SPACA1: variants seen among roughly 807,000 people sequenced by gnomAD.
SPACA1 encodes the protein sperm acrosome associated 1, also known as sperm acrosome membrane-associated protein 1.
SPACA1 carries 17 observed loss-of-function variants against 32.6 expected under a neutral mutation model. The ratio of observed to expected loss-of-function variants is 0.52; its 90% confidence interval spans 0.36 to 0.78. The LOEUF is 0.78. SPACA1 is among the 30% of genes least tolerant of loss of function. The pLI is 0.01. For missense variants in SPACA1, 363 were observed against 373.4 expected (o/e 0.97, Z 0.23); for synonymous variants, 140 against 138.1 (o/e 1.01, Z -0.10).
At chr6:88,055,708 C>T (rs1043908234) in intron 2 of SPACA1, among the ~76,000 whole-genome samples, 18 of 152,178 alleles carry the variant, frequency 1.2e-4, no homozygotes, top group Non-Finnish European at 1.2e-4. Flanking sequence ...CGGTGGCTCA[C>T]GCCTGTAATC....
chr6:88,064,290 T>C, intron 6 of SPACA1, 71 bp downstream of exon 6: 1 of 1,504,730 alleles, frequency 6.6e-7, no homozygotes, highest in Non-Finnish European at 9.0e-7. Context: ...ATCCAGTGAA[T>C]TGCAAAGCCC....
intron 4 of SPACA1, 90 bp from the exon 5 acceptor site, chr6:88,059,363 A>G: frequency 8.6e-7 from 1 of 1,168,378 alleles, no homozygotes; most frequent in South Asian, 1.7e-5. Context: ...GAGAGACAGT[A>G]ACCCTCCTTT....
In SPACA1 at chr6:88,058,889, TG is replaced by T. The variant is rs150370506; in HGVS notation, c.474+69del. 5.4e-3 allele frequency: 5,610 copies of T among 1,046,196 alleles called. 182 individuals carry two copies. The African/African-American group carries it at 0.075, about 14-fold the overall frequency. The allele number at this position is 1,046,196 out of a possible 1,614,324, so 64.8% of individuals were successfully genotyped here. ...GATAAAATTTGTTTCTCAGTTCTGA[TG>T]GCTTTCAGAAAACTTTCTTTTTAAA... On this transcript the variant is annotated intron_variant, in intron 4 of 6. Transcript: ENST00000237201.
At chr6:88,057,262 T>C (rs371607873) in intron 2 of SPACA1, among the ~76,000 whole-genome samples, 4 of 152,222 alleles carry the variant, frequency 2.6e-5, no homozygotes, top group East Asian at 3.8e-4. Context: ...ATGTACACAA[T>C]AGCATGTTAT....
chr6:88,047,669 C>G, upstream of SPACA1: 1 of 508,434 alleles, frequency 2.0e-6, no homozygotes, highest in Non-Finnish European at 3.5e-6. Flanking sequence ...CTCCTAGGGA[C>G]TTGTCGCACG....
At chr6:88,058,974 A>T in intron 4 of SPACA1, 152 bp downstream of exon 4, 1 of 558,920 alleles carries the variant, frequency 1.8e-6, no homozygotes, top group East Asian at 3.0e-5. Context: ...GAATTTTAAA[A>T]TTTTCATTAT....
intron 1 of SPACA1, among the ~76,000 whole-genome samples, chr6:88,051,613 T>A (rs896677789): frequency 6.6e-6 from 1 of 152,208 alleles, no homozygotes; most frequent in Non-Finnish European, 1.5e-5. Context: ...CCTCTGCACA[T>A]CTTTGATTCC....
chr6:88,055,843 T>C (rs1424073809), intron 2 of SPACA1, among the ~76,000 whole-genome samples: 1 of 151,974 alleles, frequency 6.6e-6, no homozygotes, highest in Non-Finnish European at 1.5e-5. Context: ...CGGTGGCACA[T>C]ACCTGTAGTC....
intron 1 of SPACA1, among the ~76,000 whole-genome samples, chr6:88,051,109 T>TGG (rs1349543376): frequency 2.0e-5 from 3 of 151,574 alleles, no homozygotes; most frequent in Non-Finnish European, 2.9e-5. Context: ...ATTACGCCAC[T>TGG]GCACTCCAGC....
At chr6:88,054,882 G>T (rs914781203) in intron 2 of SPACA1, among the ~76,000 whole-genome samples, 1 of 152,138 alleles carries the variant, frequency 6.6e-6, no homozygotes, top group African/African-American at 2.4e-5. Context: ...GTTGACTTAA[G>T]CATATTCACA....
chr6:88,050,304 C>G (rs1323128876), intron 1 of SPACA1, among the ~76,000 whole-genome samples: 1 of 152,126 alleles, frequency 6.6e-6, no homozygotes, highest in Non-Finnish European at 1.5e-5. Flanking sequence ...TTCTTTTCAT[C>G]CCCAGAAATA....
chr6:88,064,927 A>T (rs1775955471), intron 6 of SPACA1, among the ~76,000 whole-genome samples: 1 of 148,224 alleles, frequency 6.7e-6, no homozygotes, highest in African/African-American at 2.5e-5. Context: ...ATATATATGT[A>T]GATATATGTA....
chr6:88,047,202 T>C (rs1397742143), upstream of SPACA1, among the ~76,000 whole-genome samples: 3 of 152,222 alleles, frequency 2.0e-5, no homozygotes, highest in African/African-American at 7.2e-5. Context: ...GTTCGGGAGA[T>C]ATGACTGTGA....
At position 88,058,759 on chromosome 6, in the gene SPACA1, A is replaced by G. The variant is rs375550082; in HGVS notation, c.411A>G (p.Ala137=). ...ISESLESVRL[A]CIHTSPLNRF... is the part of the protein sequence containing the mutation. ...AAAGTCTTGAAAGTGTTAGATTGGC[A>G]TGTATTCACACATCTCCCTTAAATC... The change falls in exon 4 of 7, where the codon GCA becomes GCG. Residue 137 remains alanine (A), a synonymous_variant. Transcript: ENST00000237201. The G allele has an allele frequency of 5.0e-6, 8 of 1,613,822 alleles. No individual in the cohort carries two copies. In the African/African-American group the frequency reaches 6.7e-5, roughly 13 times the overall value.
Position 88,047,935 on chromosome 6 carries a change from C to T in SPACA1, c.30C>T (p.Ala10=), listed in dbSNP as rs974068233. MSPRGTGCS[A]GLLMTVGWLL... ...GCCCCAGGGGCACGGGCTGCTCCGC[C>T]GGGCTGCTGATGACTGTCGGCTGGC... The change falls in exon 1 of 7, where the codon GCC becomes GCT. Residue 10 remains alanine, a synonymous_variant. Transcript: ENST00000237201. 6.4e-7 allele frequency: 1 copy of T among 1,564,952 alleles called. No individual in the cohort carries two copies. Among genetic ancestry groups the T allele is most frequent in the Non-Finnish European group, 8.7e-7 (1 of 1,155,740 alleles).
chr6:88,052,322 A>G (rs759879821), intron 1 of SPACA1, among the ~76,000 whole-genome samples: 13 of 152,176 alleles, frequency 8.5e-5, no homozygotes, highest in Non-Finnish European at 1.6e-4. Flanking sequence ...AAAGGCTTAT[A>G]TTTAAAAGTA....
At chr6:88,053,812 C>T in intron 1 of SPACA1, 134 bp from the exon 2 acceptor site, 1 of 639,484 alleles carries the variant, frequency 1.6e-6, no homozygotes, top group South Asian at 2.5e-5. Context: ...GCATTGTTTT[C>T]TGATTTAAAT....
At chr6:88,054,984 CT>C (rs1453268182) in intron 2 of SPACA1, among the ~76,000 whole-genome samples, 1 of 152,074 alleles carries the variant, frequency 6.6e-6, no homozygotes, top group Non-Finnish European at 1.5e-5. Flanking sequence ...CTGTTCCCCC[CT>C]CCTCCCAGCT....
At chr6:88,059,621 A>G (rs749860991) in intron 5 of SPACA1, 33 bp downstream of exon 5, 2 of 1,576,172 alleles carry the variant, frequency 1.3e-6, no homozygotes, top group East Asian at 2.3e-5. Flanking sequence ...GTTTGCTTAT[A>G]TGCCAATCTT....
Sources: gnomAD v4.1 joint callset for allele counts (sites outside exome capture counted in the v4.1 genomes callset) on GRCh38, gnomAD v4.1.1 for gene constraint, MANE v1.5 for transcripts, NCBI Gene and HGNC (gene_info 2026-07-23, HGNC 2026-07-21) for gene names.